Variants in OXR1 observed in about 807,000 individuals in gnomAD.
OXR1 encodes the protein oxidation resistance 1, also known as oxidation resistance protein 1.
OXR1 carries 41 observed loss-of-function variants against 104.6 expected under a neutral mutation model. That is an observed-to-expected ratio of 0.39 (90% confidence interval 0.31 to 0.51). OXR1 has a LOEUF of 0.51. Ranked by LOEUF, OXR1 falls within the 20% of genes least tolerant of loss-of-function variation. The pLI is 0.77. For synonymous variants in OXR1, 348 were observed against 348.4 expected (o/e 1.00, Z 0.01); for missense variants, 955 against 1,031.9 (o/e 0.93, Z 1.02).
intron 3 of OXR1, among the ~76,000 whole-genome samples, chr8:106,569,206 A>G (rs1817294009): frequency 6.6e-6 from 1 of 151,990 alleles, no homozygotes; most frequent in African/African-American, 2.4e-5. Context: ...GTTCCCCCAT[A>G]ACAGTGTTTT....
intron 11 of OXR1, among the ~76,000 whole-genome samples, chr8:106,731,554 C>T (rs1833897352): frequency 6.6e-6 from 1 of 152,030 alleles, no homozygotes; most frequent in African/African-American, 2.4e-5. Context: ...TTTGTGTTTT[C>T]CTCTGTAGTC....
At chr8:106,468,738 C>T (rs1455587439) in intron 2 of OXR1, among the ~76,000 whole-genome samples, 9 of 151,618 alleles carry the variant, frequency 5.9e-5, no homozygotes, top group Non-Finnish European at 8.8e-5. Context: ...GATTGTGGAA[C>T]GGATTGCAGT....
intron 2 of OXR1, among the ~76,000 whole-genome samples, chr8:106,411,829 T>G (rs965061577): frequency 6.6e-6 from 1 of 152,142 alleles, no homozygotes; most frequent in Non-Finnish European, 1.5e-5. Context: ...CATTCAGGAC[T>G]GAGTGAGTGC....
chr8:106,450,762 T>C (rs887456372), intron 2 of OXR1, among the ~76,000 whole-genome samples: 3 of 110,772 alleles, frequency 2.7e-5, no homozygotes, highest in Non-Finnish European at 5.1e-5. Flanking sequence ...TGAAAGAGGG[T>C]GCTTTTTTTT....
chr8:106,484,389 A>T (rs1266132777), intron 2 of OXR1, among the ~76,000 whole-genome samples: 1 of 152,098 alleles, frequency 6.6e-6, no homozygotes, highest in East Asian at 1.9e-4. Flanking sequence ...GTATATGTGT[A>T]CCAAAATATC....
intron 2 of OXR1, among the ~76,000 whole-genome samples, chr8:106,378,873 A>G (rs1348826364): frequency 2.0e-5 from 3 of 152,266 alleles, no homozygotes; most frequent in East Asian, 3.9e-4. Flanking sequence ...GTCTTACTGT[A>G]TATTTCAAAT....
intron 3 of OXR1, among the ~76,000 whole-genome samples, chr8:106,596,658 C>G (rs1819545255): frequency 2.0e-5 from 3 of 152,150 alleles, no homozygotes; most frequent in Middle Eastern, 3.4e-3. Context: ...AGCAATGACT[C>G]ATAGAGAGGA....
intron 2 of OXR1, among the ~76,000 whole-genome samples, chr8:106,425,665 T>A (rs74732608): frequency 0.014 from 2,065 of 152,294 alleles, 43 homozygotes; most frequent in African/African-American, 0.045. Context: ...TGAGTTTTTT[T>A]ATCTTGGAAT....
intron 2 of OXR1, among the ~76,000 whole-genome samples, chr8:106,487,528 T>G (rs963215429): frequency 1.3e-5 from 2 of 151,714 alleles, no homozygotes; most frequent in African/African-American, 2.4e-5. Context: ...ACCCACTAAC[T>G]CGTCATCTAG....
At chr8:106,472,453 C>G (rs1324752010) in intron 2 of OXR1, among the ~76,000 whole-genome samples, 1 of 151,650 alleles carries the variant, frequency 6.6e-6, no homozygotes, top group Admixed American at 6.6e-5. Context: ...AAATATATGA[C>G]ATAATCCTTT....
At chr8:106,573,971 T>A (rs1051111978) in intron 3 of OXR1, among the ~76,000 whole-genome samples, 9 of 152,188 alleles carry the variant, frequency 5.9e-5, no homozygotes, top group African/African-American at 2.2e-4. Context: ...TTCTGAGACA[T>A]CTGGTTTCAA....
At chr8:106,712,272 G>A (rs946684228) in intron 10 of OXR1, among the ~76,000 whole-genome samples, 9 of 151,938 alleles carry the variant, frequency 5.9e-5, no homozygotes, top group Admixed American at 2.6e-4. Context: ...TCAGTTTTGC[G>A]GAAATCAATT....
intron 2 of OXR1, among the ~76,000 whole-genome samples, chr8:106,385,532 C>T (rs1417744624): frequency 6.6e-6 from 1 of 152,108 alleles, no homozygotes; most frequent in African/African-American, 2.4e-5. Context: ...ATGTGACAGG[C>T]AGTGTTCCAA....
In OXR1 at chr8:106,686,289, A is replaced by T. The variant is rs1177628651; in HGVS notation, c.525+1930A>T. ...AACATATTGAAATGGAAAATAATTAAAAAAAAAAAAAAAAGAGGTAAGAGA... is the reference window on the plus strand; with the variant it reads ...AACATATTGAAATGGAAAATAATTATAAAAAAAAAAAAAAGAGGTAAGAGA... On this transcript the variant is annotated intron_variant, in intron 6 of 16. Transcript: ENST00000517566. Among the ~76,000 whole-genome samples the T allele has an allele frequency of 0.049, 5 of 102 alleles. No homozygotes were observed. In the East Asian group the frequency reaches 0.5, roughly 10 times the overall value. 0.1% of individuals were successfully genotyped at this position (102 alleles called of 152,430 possible).
chr8:106,574,723 G>C (rs1261939621), intron 3 of OXR1, among the ~76,000 whole-genome samples: 1 of 152,174 alleles, frequency 6.6e-6, no homozygotes, highest in African/African-American at 2.4e-5. Context: ...TGTCCAAATA[G>C]AAATAACCAT....
chr8:106,615,013 C>T (rs1821101696), intron 3 of OXR1, among the ~76,000 whole-genome samples: 1 of 152,142 alleles, frequency 6.6e-6, no homozygotes, highest in South Asian at 2.1e-4. Flanking sequence ...TTTATTGTTA[C>T]ATGAAGTCTT....
At chr8:106,680,616 T>G (rs1828055180) in intron 4 of OXR1, among the ~76,000 whole-genome samples, 1 of 152,212 alleles carries the variant, frequency 6.6e-6, no homozygotes, top group Admixed American at 6.5e-5. Flanking sequence ...GCTGGGTGTT[T>G]GCCTCTTCTT....
chr8:106,407,318 A>G (rs1818283476), intron 2 of OXR1, among the ~76,000 whole-genome samples: 1 of 152,124 alleles, frequency 6.6e-6, no homozygotes, highest in South Asian at 2.1e-4. Flanking sequence ...TCTCCTTTGA[A>G]TCTGATTGAT....
Position 106,412,888 on chromosome 8 carries a change from T to C in OXR1, c.23+53252T>C, listed in dbSNP as rs1001756889. 4.6e-5 allele frequency among the ~76,000 whole-genome samples: 7 copies of C among 152,246 alleles called. No homozygotes were observed. In the South Asian group the frequency reaches 1.2e-3, roughly 27 times the overall value. ...ATGACGTGTACATGTATCTCTTCTATAATCCTATTTATTTTTATGGTCCTA... is the reference window on the plus strand; with the variant it reads ...ATGACGTGTACATGTATCTCTTCTACAATCCTATTTATTTTTATGGTCCTA... On this transcript the variant is annotated intron_variant, in intron 2 of 16. Transcript: ENST00000517566.
Sources: allele counts gnomAD v4.1 joint callset (sites outside exome capture counted in the v4.1 genomes callset), GRCh38; gene constraint gnomAD v4.1.1; transcripts MANE v1.5; gene names NCBI Gene and HGNC (gene_info 2026-07-23, HGNC 2026-07-21).